RSBN1L: variants seen among roughly 807,000 people sequenced by gnomAD.
The protein encoded by RSBN1L is lysine-specific demethylase RSBN1L.
In RSBN1L, 30 loss-of-function variants were observed where a neutral mutation model predicts 67.7. That is an observed-to-expected ratio of 0.44 (90% CI 0.33 to 0.60). RSBN1L has a LOEUF of 0.60. RSBN1L is among the 20% of genes least tolerant of loss of function. The pLI, the probability that RSBN1L is intolerant of heterozygous loss-of-function variation, is 0.02. For missense variants in RSBN1L, 992 were observed against 1,031.7 expected (o/e 0.96, Z 0.53); for synonymous variants, 433 against 387.0 (o/e 1.12, Z -1.39).
intron 3 of RSBN1L, among the ~76,000 whole-genome samples, chr7:77,760,136 T>A (rs1285362520): frequency 6.6e-6 from 1 of 152,234 alleles, no homozygotes; most frequent in Non-Finnish European, 1.5e-5. Flanking sequence ...GGCAACATAT[T>A]TCCTGTTAAG....
chr7:77,776,802 T>C (rs1394315466), intron 6 of RSBN1L, among the ~76,000 whole-genome samples: 1 of 152,124 alleles, frequency 6.6e-6, no homozygotes, highest in Non-Finnish European at 1.5e-5. Flanking sequence ...GTCTATATTA[T>C]TGTTACATGT....
At chr7:77,754,274 T>A (rs192073720) in intron 3 of RSBN1L, among the ~76,000 whole-genome samples, 2 of 152,176 alleles carry the variant, frequency 1.3e-5, no homozygotes, top group Non-Finnish European at 2.9e-5. Flanking sequence ...GCTCTTTACA[T>A]TTCCACATAA....
Position 77,768,816 on chromosome 7 carries a change from C to T in RSBN1L, c.1625+13C>T. On this transcript the variant is annotated intron_variant, in intron 5 of 7. Transcript: ENST00000334955. The stretch of plus-strand genomic sequence containing the variant: ...TCAAAAGGAAAAGGTATGTTGTATA[C>T]ACATTTTTATTGGAGGGGATGAGTG... 6.2e-7 allele frequency: 1 copy of T among 1,612,340 alleles called. No individual in the cohort carries two copies. Among genetic ancestry groups the T allele is most frequent in the South Asian group, 1.1e-5 (1 of 91,006 alleles).
At chr7:77,726,240 G>T (rs1791201964) in intron 1 of RSBN1L, among the ~76,000 whole-genome samples, 1 of 152,132 alleles carries the variant, frequency 6.6e-6, no homozygotes, top group African/African-American at 2.4e-5. Context: ...ACTTTATTCA[G>T]AATTTCCTTA....
Position 77,778,336 on chromosome 7 carries a change from A to G in RSBN1L, c.1794-2A>G. On this transcript the variant is annotated splice_acceptor_variant, in intron 6 of 7. Transcript: ENST00000334955. LOFTEE classifies it high-confidence loss of function. ...TTCTTGTTATCTCGTTTTCTTTTTT[A>G]GGCCTGATCAACCCCGTATAACCAA... The G allele has an allele frequency of 6.3e-7, 1 of 1,585,428 alleles. No homozygotes were observed. The highest frequency in any genetic ancestry group is 8.6e-7 in the Non-Finnish European group (1 of 1,167,988).
chr7:77,730,003 G>T (rs552351382), intron 1 of RSBN1L, among the ~76,000 whole-genome samples: 1 of 152,164 alleles, frequency 6.6e-6, no homozygotes, highest in Non-Finnish European at 1.5e-5. Context: ...TAATCTTTAT[G>T]TGTGGGCTAA....
chr7:77,759,275 C>T (rs1791665495), intron 3 of RSBN1L, among the ~76,000 whole-genome samples: 1 of 152,162 alleles, frequency 6.6e-6, no homozygotes, highest in Non-Finnish European at 1.5e-5. Context: ...TACTTAAGAA[C>T]TGATCTATAC....
chr7:77,780,191 A>ATGTGTATATATATG lies in RSBN1L; in HGVS notation c.*1025_*1038dup, dbSNP rs1791981328. ...AAAGTGTGCATCTGCGTGTGTGTGA[A>ATGTGTATATATATG]TGTGTATATATATGTATATATATAT... is the stretch of plus-strand genomic sequence containing the variant. On this transcript the variant is annotated 3_prime_UTR_variant, in exon 8 of 8. Coordinates refer to ENST00000334955, the MANE Select transcript of RSBN1L (RefSeq NM_198467.3). The ATGTGTATATATATG allele has an allele frequency of 6.6e-6, 1 of 152,066 alleles. No homozygotes were observed. The highest frequency in any genetic ancestry group is 1.5e-5 in the Non-Finnish European group (1 of 68,008). The allele number at this position is 152,066 out of a possible 1,614,324, so 9.4% of individuals were successfully genotyped here.
intron 3 of RSBN1L, among the ~76,000 whole-genome samples, chr7:77,756,729 G>T (rs889601177): frequency 6.6e-6 from 1 of 152,192 alleles, no homozygotes; most frequent in Non-Finnish European, 1.5e-5. Flanking sequence ...AGTGAGCCGA[G>T]ATTGCGCCAC....
chr7:77,733,297 T>C (rs1280122888), intron 1 of RSBN1L, among the ~76,000 whole-genome samples: 1 of 152,182 alleles, frequency 6.6e-6, no homozygotes, highest in African/African-American at 2.4e-5. Context: ...AAATGCCCTT[T>C]GTTTATGTAT....
chr7:77,770,103 T>C (rs550262199), intron 5 of RSBN1L, among the ~76,000 whole-genome samples: 143 of 152,346 alleles, frequency 9.4e-4, no homozygotes, highest in African/African-American at 3.3e-3. Context: ...CCGGGTGCAG[T>C]GGCTCACGCC....
At chr7:77,770,330 G>T (rs370862600) in intron 5 of RSBN1L, among the ~76,000 whole-genome samples, 1 of 151,918 alleles carries the variant, frequency 6.6e-6, no homozygotes, top group Non-Finnish European at 1.5e-5. Context: ...AACCCAGATC[G>T]CTTCACTGCA....
intron 3 of RSBN1L, among the ~76,000 whole-genome samples, chr7:77,761,284 C>A (rs1420929251): frequency 6.6e-6 from 1 of 152,074 alleles, no homozygotes; most frequent in African/African-American, 2.4e-5. Context: ...GGTTTCTTGT[C>A]CTTTATGATT....
intron 3 of RSBN1L, among the ~76,000 whole-genome samples, chr7:77,757,883 C>T (rs911013327): frequency 6.6e-6 from 1 of 152,148 alleles, no homozygotes; most frequent in South Asian, 2.1e-4. Context: ...TGCTAATGTC[C>T]CATTGACAAA....
intron 1 of RSBN1L, among the ~76,000 whole-genome samples, chr7:77,726,981 C>T (rs1791212135): frequency 6.6e-6 from 1 of 151,854 alleles, no homozygotes; most frequent in African/African-American, 2.4e-5. Flanking sequence ...TGGGGTTTCA[C>T]CATGTTGGCC....
At chr7:77,766,534 TA>T (rs1791768524) in intron 4 of RSBN1L, among the ~76,000 whole-genome samples, 1 of 151,608 alleles carries the variant, frequency 6.6e-6, no homozygotes, top group Admixed American at 6.6e-5. Flanking sequence ...TTTTTTTTTT[TA>T]AAGCCTCTTG....
intron 1 of RSBN1L, among the ~76,000 whole-genome samples, chr7:77,729,829 C>T (rs530160355): frequency 1.3e-5 from 2 of 152,162 alleles, no homozygotes; most frequent in East Asian, 3.9e-4. Flanking sequence ...TGGTGTACAC[C>T]TGTGGTCCCA....
chr7:77,770,283 G>A (rs990312493), intron 5 of RSBN1L, among the ~76,000 whole-genome samples: 15 of 152,300 alleles, frequency 9.8e-5, no homozygotes, highest in African/African-American at 3.4e-4. Context: ...GCTGAGGCAG[G>A]AGAATTGCTT....
At chr7:77,728,378 G>A (rs1409139314) in intron 1 of RSBN1L, among the ~76,000 whole-genome samples, 1 of 152,140 alleles carries the variant, frequency 6.6e-6, no homozygotes, top group Non-Finnish European at 1.5e-5. Context: ...TTTAGCATCT[G>A]TGTACTGTTA....
Sources: allele counts gnomAD v4.1 joint callset (sites outside exome capture counted in the v4.1 genomes callset), GRCh38; gene constraint gnomAD v4.1.1; transcripts MANE v1.5; gene names NCBI Gene and HGNC (gene_info 2026-07-23, HGNC 2026-07-21).